The following ECHDC2 variants were observed in gnomAD, a reference collection of about 807,000 sequenced individuals.
The protein encoded by ECHDC2 is enoyl-CoA hydratase domain-containing protein 2, mitochondrial.
In ECHDC2, 34 loss-of-function variants were observed where a neutral mutation model predicts 40.6. The observed-to-expected ratio is 0.84, with a 90% CI of 0.64 to 1.11. The LOEUF is 1.11. Ranked by LOEUF, ECHDC2 falls within the 50% of genes most tolerant of loss-of-function variation. ECHDC2 has a pLI of 0.00. For missense variants in ECHDC2, 392 were observed against 400.7 expected (o/e 0.98, Z 0.19); for synonymous variants, 162 against 166.6 (o/e 0.97, Z 0.21).
At chr1:52,920,101 C>T (rs1651550533) in intron 1 of ECHDC2, among the ~76,000 whole-genome samples, 1 of 152,184 alleles carries the variant, frequency 6.6e-6, no homozygotes, top group South Asian at 2.1e-4. Context: ...GTTTTTTAAT[C>T]TGTAAAGTGG....
At chr1:52,920,465 G>T (rs1349481224) in intron 1 of ECHDC2, 8 of 1,416,748 alleles carry the variant, frequency 5.6e-6, no homozygotes, top group Non-Finnish European at 7.8e-6. Flanking sequence ...AGGCCAAGGA[G>T]ATGGACGAGG....
At chr1:52,917,002 T>A (rs569438677) in intron 1 of ECHDC2, among the ~76,000 whole-genome samples, 45 of 151,734 alleles carry the variant, frequency 3.0e-4, no homozygotes, top group African/African-American at 1.0e-3. Context: ...GGCGGGTGGA[T>A]CACCTGAGTC....
chr1:52,918,039 GC>G (rs1651083938), intron 1 of ECHDC2, among the ~76,000 whole-genome samples: 1 of 152,072 alleles, frequency 6.6e-6, no homozygotes, highest in Non-Finnish European at 1.5e-5. Context: ...CACGATCATG[GC>G]TCACTCATGG....
At chr1:52,920,355 C>A (rs949045569) in intron 1 of ECHDC2, 2 of 672,586 alleles carry the variant, frequency 3.0e-6, no homozygotes, top group South Asian at 1.6e-5. Flanking sequence ...AACTTGTTGT[C>A]AAGCCGGTAA....
Position 52,896,191 on chromosome 1 carries a change from G to A in ECHDC2, c.*329C>T, listed in dbSNP as rs1481760031. 3 of 283,142 alleles carry A rather than the reference G, an allele frequency of 1.1e-5. No individual in the cohort carries two copies. The East Asian group carries it at 2.2e-4, about 21-fold the overall frequency. 17.5% of individuals were successfully genotyped at this position (283,142 alleles called of 1,614,324 possible). The stretch of plus-strand genomic sequence containing the variant: ...TAATGAGTGCCTGATAACTGAGAGA[G>A]GTCAGGGGCTGAGAGCCAATGATAC... On this transcript the variant is annotated 3_prime_UTR_variant, in exon 10 of 10. Transcript: ENST00000371522.
rs138761671 is a variant in ECHDC2 at position 52,921,684 on chromosome 1, G to A, written c.-11C>T. 6.2e-4 allele frequency: 966 copies of A among 1,547,324 alleles called. 2 individuals carry two copies. The highest frequency in any genetic ancestry group is 6.2e-3 in the African/African-American group (448 of 72,812). ...CAGAACGCGCAGCATCGGGGCGCAG[G>A]CTGGGAGTGAAGGTGCTTCTCCGGC... On this transcript the variant is annotated 5_prime_UTR_variant, in exon 1 of 10. Coordinates refer to ENST00000371522, the MANE Select transcript of ECHDC2 (RefSeq NM_001198961.2).
At chr1:52,915,190 G>A (rs1216528395) in intron 1 of ECHDC2, 1 of 455,684 alleles carries the variant, frequency 2.2e-6, no homozygotes, top group Non-Finnish European at 4.4e-6. Flanking sequence ...GACATTTCAG[G>A]TCTTCCCAGG....
intron 3 of ECHDC2, among the ~76,000 whole-genome samples, chr1:52,909,214 T>TA (rs1648776978): frequency 6.6e-6 from 1 of 152,114 alleles, no homozygotes; most frequent in African/African-American, 2.4e-5. Flanking sequence ...TCCAAAAAGT[T>TA]AAACAGAATT....
chr1:52,905,120 C>T (rs1282320855), intron 5 of ECHDC2, 30 bp from the exon 6 acceptor site: 2 of 1,612,212 alleles, frequency 1.2e-6, no homozygotes, highest in Non-Finnish European at 1.7e-6. Context: ...TGAGGCCTCC[C>T]TCCCCCATCC....
Position 52,914,072 on chromosome 1 carries a change from G to T in ECHDC2, c.122-2282C>A, listed in dbSNP as rs1231269888. The T allele has an allele frequency of 5.0e-6, 4 of 801,748 alleles. No individual in the cohort carries two copies. The highest frequency in any genetic ancestry group is 7.4e-6 in the Non-Finnish European group (4 of 543,748). The allele number at this position is 801,748 out of a possible 1,614,324, so 49.7% of individuals were successfully genotyped here. A position where few individuals can be genotyped will look rare whatever the true frequency, so the allele number is the denominator to read the frequency against. On this transcript the variant is annotated intron_variant, in intron 1 of 9. Coordinates refer to ENST00000371522, the MANE Select transcript of ECHDC2 (RefSeq NM_001198961.2). This position sits in a 1 kb window ranked among gnomAD's most constrained non-coding sequence, Gnocchi z 4.0. Reference sequence around the variant, plus strand: ...TTCCAGAGACCAGGACAGACTCAAGGCCTGTCCTCATGGAACCTACAGCCT... The same window carrying T: ...TTCCAGAGACCAGGACAGACTCAAGTCCTGTCCTCATGGAACCTACAGCCT...
At position 52,899,162 on chromosome 1, in the gene ECHDC2, A is replaced by G. The variant is rs912890300; in HGVS notation, c.753+12T>C. On this transcript the variant is annotated intron_variant, in intron 8 of 9. Coordinates refer to ENST00000371522, the MANE Select transcript of ECHDC2 (RefSeq NM_001198961.2). ...TTTAGTGGACCCAAGTCCCAACCCA[A>G]AACCCTCTCACCTCCGTTCCTCGGT... 1 of 1,614,116 alleles carries G rather than the reference A, an allele frequency of 6.2e-7. No individual in the cohort carries two copies. Among genetic ancestry groups the G allele is most frequent in the Non-Finnish European group, 8.5e-7 (1 of 1,180,008 alleles).
intron 8 of ECHDC2, 89 bp from the exon 9 acceptor site, chr1:52,897,573 T>G: frequency 8.0e-7 from 1 of 1,244,854 alleles, no homozygotes; most frequent in South Asian, 1.2e-5. Context: ...CCTACAGACA[T>G]CTATATGAGC....
chr1:52,916,962 G>A (rs369073240), intron 1 of ECHDC2, among the ~76,000 whole-genome samples: 4 of 151,960 alleles, frequency 2.6e-5, no homozygotes, highest in South Asian at 4.2e-4. Flanking sequence ...GGTGGCTCAC[G>A]CCTGTAATCC....
At chr1:52,912,050 C>T in intron 1 of ECHDC2, 2 of 1,396,248 alleles carry the variant, frequency 1.4e-6, no homozygotes, top group Non-Finnish European at 9.3e-7. Flanking sequence ...AGAGGAACAA[C>T]AGTGACTACC....
At chr1:52,897,249 G>A in intron 9 of ECHDC2, 188 bp downstream of exon 9, 1 of 634,956 alleles carries the variant, frequency 1.6e-6, no homozygotes. Context: ...GATGGTTGAG[G>A]GAAAAGTCCC....
At chr1:52,907,847 A>G in intron 4 of ECHDC2, 21 bp downstream of exon 4, 1 of 1,470,442 alleles carries the variant, frequency 6.8e-7, no homozygotes, top group Non-Finnish European at 9.4e-7. Context: ...CCCCTCCTCC[A>G]CCCCACACCC....
At chr1:52,904,405 C>G (rs1647224371) in intron 7 of ECHDC2, among the ~76,000 whole-genome samples, 1 of 152,196 alleles carries the variant, frequency 6.6e-6, no homozygotes, top group Non-Finnish European at 1.5e-5. Flanking sequence ...GTCTACTGGA[C>G]AGTGTTACAT....
At chr1:52,897,641 G>A in intron 8 of ECHDC2, 157 bp from the exon 9 acceptor site, 2 of 724,710 alleles carry the variant, frequency 2.8e-6, no homozygotes, top group African/African-American at 1.7e-5. Flanking sequence ...TCGTAACTAT[G>A]ACAAAACTGC....
chr1:52,904,882 C>T (rs979041387), intron 6 of ECHDC2, 49 bp from the exon 7 acceptor site: 1 of 1,597,530 alleles, frequency 6.3e-7, no homozygotes, highest in East Asian at 2.2e-5. Context: ...GAAGTGGGAA[C>T]CCAGAGAAGG....
Sources: allele counts gnomAD v4.1 joint callset (sites outside exome capture counted in the v4.1 genomes callset), GRCh38; gene constraint gnomAD v4.1.1; non-coding constraint Gnocchi (gnomAD v3.1); transcripts MANE v1.5; gene names NCBI Gene and HGNC (gene_info 2026-07-23, HGNC 2026-07-21).